The following PHLPP1 variants were observed in gnomAD, a reference collection of about 807,000 sequenced individuals.
PHLPP1 encodes PH domain and leucine rich repeat protein phosphatase 1.
Under a neutral mutation model 117.2 loss-of-function variants are expected in PHLPP1, and 42 were observed. That is an observed-to-expected ratio of 0.36 (90% CI 0.28 to 0.46). The LOEUF is 0.46. Ranked by LOEUF, PHLPP1 falls within the 20% of genes least tolerant of loss-of-function variation. PHLPP1 has a pLI of 1.00. For synonymous variants in PHLPP1, 1,042 were observed against 970.7 expected, an observed-to-expected ratio of 1.07 and a Z score of -1.37; for missense variants, 2,084 against 2,241.9, an observed-to-expected ratio of 0.93 and a Z score of 1.42.
At chr18:62,927,799 A>G (rs1909683479) in intron 10 of PHLPP1, among the ~76,000 whole-genome samples, 1 of 152,164 alleles carries the variant, frequency 6.6e-6, no homozygotes, top group Non-Finnish European at 1.5e-5. Context: ...TGACAGAACT[A>G]TTATTTAAAA....
At chr18:62,808,895 T>C (rs1162848726) in intron 1 of PHLPP1, among the ~76,000 whole-genome samples, 8 of 152,176 alleles carry the variant, frequency 5.3e-5, no homozygotes, top group Non-Finnish European at 1.2e-4. Context: ...CACTGTACTT[T>C]TTCTATTATA....
At chr18:62,937,740 AG>A (rs1910016521) in intron 10 of PHLPP1, among the ~76,000 whole-genome samples, 1 of 152,212 alleles carries the variant, frequency 6.6e-6, no homozygotes, top group South Asian at 2.1e-4. Context: ...GGCCAGGTGC[AG>A]TGGCTCACAC....
intron 1 of PHLPP1, among the ~76,000 whole-genome samples, chr18:62,734,031 T>G (rs758771008): frequency 2.8e-4 from 43 of 152,304 alleles, no homozygotes; most frequent in Non-Finnish European, 4.6e-4. Context: ...TTTGATTTTT[T>G]GAAACAAAAA....
At chr18:62,797,332 G>A (rs1430063305) in intron 1 of PHLPP1, among the ~76,000 whole-genome samples, 1 of 152,154 alleles carries the variant, frequency 6.6e-6, no homozygotes, top group Non-Finnish European at 1.5e-5. Context: ...TCTGCCCCAG[G>A]CACTGTTGTA....
At chr18:62,797,835 G>A (rs1446840603) in intron 1 of PHLPP1, among the ~76,000 whole-genome samples, 3 of 152,128 alleles carry the variant, frequency 2.0e-5, no homozygotes, top group African/African-American at 7.2e-5. Flanking sequence ...TTATGGCTCA[G>A]TAGAATGTAA....
chr18:62,811,476 T>G (rs1207813347), intron 1 of PHLPP1, among the ~76,000 whole-genome samples: 2 of 152,008 alleles, frequency 1.3e-5, no homozygotes, highest in Non-Finnish European at 2.9e-5. Context: ...TGCAAATTTT[T>G]AAAATGGACG....
chr18:62,797,378 A>C (rs1202401539), intron 1 of PHLPP1, among the ~76,000 whole-genome samples: 2 of 152,196 alleles, frequency 1.3e-5, no homozygotes, highest in African/African-American at 4.8e-5. Flanking sequence ...CCCATGGACA[A>C]TGCTCTGTGT....
intron 1 of PHLPP1, among the ~76,000 whole-genome samples, chr18:62,717,641 A>G (rs768791460): frequency 6.6e-6 from 1 of 152,202 alleles, no homozygotes; most frequent in Non-Finnish European, 1.5e-5. Flanking sequence ...TAAGACGGAC[A>G]GAAGAAATGA....
chr18:62,821,501 A>G (rs1914452225), intron 1 of PHLPP1, among the ~76,000 whole-genome samples: 1 of 144,868 alleles, frequency 6.9e-6, no homozygotes. Flanking sequence ...GTGAGCCGAG[A>G]TCGCATCAGT....
At chr18:62,765,923 G>T (rs1912461852) in intron 1 of PHLPP1, among the ~76,000 whole-genome samples, 1 of 150,392 alleles carries the variant, frequency 6.6e-6, no homozygotes, top group African/African-American at 2.4e-5. Flanking sequence ...GCGTGAACCT[G>T]GGAGGCGGAA....
intron 9 of PHLPP1, among the ~76,000 whole-genome samples, chr18:62,916,780 GTC>G (rs1909294828): frequency 1.0e-5 from 1 of 95,608 alleles, no homozygotes; most frequent in Non-Finnish European, 1.9e-5. Context: ...TTGAGACAGA[GTC>G]TCAGTCTGTT....
At chr18:62,884,963 A>G (rs566493716) in intron 4 of PHLPP1, among the ~76,000 whole-genome samples, 22 of 152,330 alleles carry the variant, frequency 1.4e-4, no homozygotes, top group Admixed American at 6.5e-5. Context: ...ATCTAAAGCT[A>G]ATTAATATTA....
intron 1 of PHLPP1, among the ~76,000 whole-genome samples, chr18:62,788,752 A>C (rs1246252956): frequency 6.6e-6 from 1 of 152,214 alleles, no homozygotes; most frequent in African/African-American, 2.4e-5. Context: ...TAAACCAAGA[A>C]CAGAGTATTT....
chr18:62,948,052 TA>T (rs2144462323), intron 12 of PHLPP1, among the ~76,000 whole-genome samples: 1 of 151,050 alleles, frequency 6.6e-6, no homozygotes, highest in African/African-American at 2.4e-5. Context: ...AAAATACAAA[TA>T]GAAATTCAGG....
intron 3 of PHLPP1, among the ~76,000 whole-genome samples, chr18:62,859,689 T>C (rs2144361187): frequency 6.6e-6 from 1 of 152,326 alleles, no homozygotes; most frequent in African/African-American, 2.4e-5. Context: ...GATCTTAGTA[T>C]CTGTCTCTTG....
chr18:62,951,170 A>G (rs1910446033), intron 12 of PHLPP1, among the ~76,000 whole-genome samples: 1 of 151,934 alleles, frequency 6.6e-6, no homozygotes, highest in South Asian at 2.1e-4. Flanking sequence ...TTTAGTAGAG[A>G]CAGGGTTTCA....
chr18:62,742,381 G>T (rs1407665291), intron 1 of PHLPP1, among the ~76,000 whole-genome samples: 1 of 152,010 alleles, frequency 6.6e-6, no homozygotes, highest in East Asian at 1.9e-4. Context: ...GATGCTCCCA[G>T]AATGCAAAGG....
chr18:62,828,190 C>T (rs1487603485), intron 1 of PHLPP1, among the ~76,000 whole-genome samples: 1 of 152,132 alleles, frequency 6.6e-6, no homozygotes, highest in Non-Finnish European at 1.5e-5. Flanking sequence ...TTACTTCTTC[C>T]CCACAGGAAG....
chr18:62,768,920 T>C (rs1364664938), intron 1 of PHLPP1, among the ~76,000 whole-genome samples: 1 of 152,200 alleles, frequency 6.6e-6, no homozygotes, highest in African/African-American at 2.4e-5. Flanking sequence ...GAAAATGATT[T>C]ATATGCTGTA....
Sources: allele counts gnomAD v4.1 joint callset (sites outside exome capture counted in the v4.1 genomes callset), GRCh38; gene constraint gnomAD v4.1.1; transcripts MANE v1.5; gene names NCBI Gene and HGNC (gene_info 2026-07-23, HGNC 2026-07-21).